ARHGAP24: variants seen among roughly 807,000 people sequenced by gnomAD.
ARHGAP24 encodes Rho GTPase activating protein 24.
Under a neutral mutation model 76.4 loss-of-function variants are expected in ARHGAP24, and 50 were observed. The ratio of observed to expected loss-of-function variants is 0.65; its 90% CI spans 0.52 to 0.83. The LOEUF (loss-of-function observed/expected upper bound fraction) is 0.83, where lower values mean the gene tolerates loss of function less well. ARHGAP24 is among the 40% of genes least tolerant of loss of function. The pLI is 0.00. For synonymous variants in ARHGAP24, 345 were observed against 323.3 expected, an observed-to-expected ratio of 1.07 and a Z score of -0.72; for missense variants, 930 against 914.2, an observed-to-expected ratio of 1.02 and a Z score of -0.22.
chr4:85,775,442 C>T (rs990137580), intron 3 of ARHGAP24, among the ~76,000 whole-genome samples: 8 of 152,056 alleles, frequency 5.3e-5, no homozygotes, highest in African/African-American at 1.2e-4. Flanking sequence ...ACAATCATGA[C>T]GGAAGGTTAA....
chr4:85,560,677 T>A (rs1235562250), intron 1 of ARHGAP24, among the ~76,000 whole-genome samples: 1 of 152,188 alleles, frequency 6.6e-6, no homozygotes, highest in African/African-American at 2.4e-5. Context: ...TAATTCCCAT[T>A]GTTCTTTTCA....
At position 85,483,485 on chromosome 4, in the gene ARHGAP24, G is replaced by T. The variant is rs567292512; in HGVS notation, c.-21+7926G>T. Among the ~76,000 whole-genome samples the T allele has an allele frequency of 5.9e-5, 9 of 152,204 alleles. No homozygotes were observed. The South Asian group carries it at 1.7e-3, about 28-fold the overall frequency. On this transcript the variant is annotated intron_variant, in intron 1 of 9. Transcript: ENST00000395184. Reference sequence around the variant, plus strand: ...AAATTATCTGGGCGTGGTGGTGCATGCCTGTAATCCCAGCTACTCAGGAGT... The same window carrying T: ...AAATTATCTGGGCGTGGTGGTGCATTCCTGTAATCCCAGCTACTCAGGAGT...
At chr4:85,748,979 C>T (rs1726152453) in intron 3 of ARHGAP24, among the ~76,000 whole-genome samples, 1 of 152,152 alleles carries the variant, frequency 6.6e-6, no homozygotes, top group Non-Finnish European at 1.5e-5. Flanking sequence ...AGAATACGGT[C>T]ACCAACAACT....
chr4:85,827,915 T>C (rs1729800834), intron 3 of ARHGAP24: 1 of 1,289,738 alleles, frequency 7.8e-7, no homozygotes, highest in Non-Finnish European at 1.0e-6. Flanking sequence ...CTGCTCTGTC[T>C]CCCAGCTTGC....
intron 3 of ARHGAP24, among the ~76,000 whole-genome samples, chr4:85,919,766 G>C (rs950307928): frequency 2.0e-5 from 3 of 152,180 alleles, no homozygotes; most frequent in African/African-American, 7.2e-5. Context: ...ACTAGACCTG[G>C]AGTGACACAG....
At chr4:85,593,245 A>G (rs1186820308) in intron 2 of ARHGAP24, among the ~76,000 whole-genome samples, 2 of 152,030 alleles carry the variant, frequency 1.3e-5, no homozygotes, top group East Asian at 3.9e-4. Context: ...TGCCATTTGT[A>G]TGTCTTCTTT....
intron 3 of ARHGAP24, among the ~76,000 whole-genome samples, chr4:85,836,356 T>C (rs1431770025): frequency 6.6e-6 from 1 of 152,186 alleles, no homozygotes; most frequent in East Asian, 1.9e-4. Context: ...CTGGAAGCCA[T>C]AAATGTAAAA....
At chr4:85,675,299 TGAG>T (rs1722943731) in intron 2 of ARHGAP24, among the ~76,000 whole-genome samples, 1 of 152,152 alleles carries the variant, frequency 6.6e-6, no homozygotes, top group South Asian at 2.1e-4. Flanking sequence ...AGAGTCCAAA[TGAG>T]AAATGCACGT....
intron 2 of ARHGAP24, among the ~76,000 whole-genome samples, chr4:85,691,925 G>A (rs1723676647): frequency 6.6e-6 from 1 of 152,114 alleles, no homozygotes; most frequent in African/African-American, 2.4e-5. Flanking sequence ...TATAGTGTCT[G>A]TGGGCTATGT....
chr4:85,575,617 A>G (rs541536439), intron 2 of ARHGAP24, among the ~76,000 whole-genome samples: 1 of 152,324 alleles, frequency 6.6e-6, no homozygotes, highest in African/African-American at 2.4e-5. Context: ...ACAAATGACC[A>G]TGGCCTTGTC....
intron 3 of ARHGAP24, among the ~76,000 whole-genome samples, chr4:85,789,716 A>G (rs988577884): frequency 2.0e-5 from 3 of 152,134 alleles, no homozygotes; most frequent in African/African-American, 7.2e-5. Flanking sequence ...GGGAATGGAG[A>G]AGTTGATGCC....
chr4:85,510,790 A>G (rs1286451856), intron 1 of ARHGAP24, among the ~76,000 whole-genome samples: 1 of 129,530 alleles, frequency 7.7e-6, no homozygotes, highest in Non-Finnish European at 1.6e-5. Context: ...CCCCTCCTCT[A>G]GCCCCTCCCC....
At chr4:85,613,908 C>A (rs1720470171) in intron 2 of ARHGAP24, among the ~76,000 whole-genome samples, 1 of 152,084 alleles carries the variant, frequency 6.6e-6, no homozygotes, top group African/African-American at 2.4e-5. Flanking sequence ...GTCTCAGTAC[C>A]AGTTATCAGA....
At chr4:85,553,202 TA>T (rs1366507638) in intron 1 of ARHGAP24, among the ~76,000 whole-genome samples, 1 of 152,134 alleles carries the variant, frequency 6.6e-6, no homozygotes, top group Non-Finnish European at 1.5e-5. Context: ...TTACAGCTCA[TA>T]AAGGTAGTGT....
chr4:85,875,091 TTA>T (rs375394867), intron 3 of ARHGAP24, among the ~76,000 whole-genome samples: 3,676 of 40,950 alleles, frequency 0.09, no homozygotes, highest in Middle Eastern at 0.12. Context: ...TATAATATAT[TTA>T]TCTTATATAT....
intron 2 of ARHGAP24, among the ~76,000 whole-genome samples, chr4:85,683,123 G>GT (rs1374801364): frequency 8.9e-6 from 1 of 112,568 alleles, no homozygotes; most frequent in African/African-American, 3.2e-5. Context: ...GGGGTGGGGG[G>GT]GGGGTGCGGG....
At chr4:85,521,251 G>A (rs990820683) in intron 1 of ARHGAP24, among the ~76,000 whole-genome samples, 2 of 152,004 alleles carry the variant, frequency 1.3e-5, no homozygotes, top group African/African-American at 2.4e-5. Context: ...TTTTCTGGGC[G>A]GATGCACTGC....
rs564197025 is a variant in ARHGAP24 at position 85,563,712 on chromosome 4, G to A, written c.-20-6810G>A. ...TAGGTAGTGAGGATTAGGAAGGATG[G>A]CATTCATTGCATCCAGGGAAAATCT... On this transcript the variant is annotated intron_variant, in intron 1 of 9. Coordinates refer to ENST00000395184, the MANE Select transcript of ARHGAP24 (RefSeq NM_001025616.3). Among the ~76,000 whole-genome samples, 3 of 152,306 alleles carry A rather than the reference G, an allele frequency of 2.0e-5. No individual in the cohort carries two copies. In the East Asian group the frequency reaches 5.8e-4, roughly 29 times the overall value.
intron 1 of ARHGAP24, among the ~76,000 whole-genome samples, chr4:85,544,996 C>G (rs562134146): frequency 6.6e-6 from 1 of 151,974 alleles, no homozygotes; most frequent in Non-Finnish European, 1.5e-5. Flanking sequence ...TCGTGTCACA[C>G]GGACTGAATT....
Sources: allele counts gnomAD v4.1 joint callset (sites outside exome capture counted in the v4.1 genomes callset), GRCh38; gene constraint gnomAD v4.1.1; transcripts MANE v1.5; gene names NCBI Gene and HGNC (gene_info 2026-07-23, HGNC 2026-07-21).